Variants in SLC1A5 observed in about 807,000 individuals in gnomAD.
SLC1A5 encodes solute carrier family 1 member 5.
SLC1A5 carries 25 observed loss-of-function variants against 34.9 expected under a neutral mutation model. The ratio of observed to expected loss-of-function variants is 0.72; its 90% CI spans 0.52 to 1.00. The LOEUF (loss-of-function observed/expected upper bound fraction) is 1.00. SLC1A5 is among the 50% of genes least tolerant of loss of function. SLC1A5 has a pLI of 0.00. For missense variants in SLC1A5, 637 were observed against 740.0 expected (o/e 0.86, Z 1.61); for synonymous variants, 351 against 341.2 (o/e 1.03, Z -0.32).
rs748257180 is a variant in SLC1A5 at position 46,778,719 on chromosome 19, C to T, written c.1014G>A (p.Trp338Ter). The T allele has an allele frequency of 1.2e-6, 2 of 1,613,886 alleles. No homozygotes were observed. Among genetic ancestry groups the T allele is most frequent in the African/African-American group, 2.7e-5 (2 of 74,906 alleles). Residue 338 changes from tryptophan to a stop codon, truncating the protein, a stop_gained, in exon 5 of 8, where the codon TGG becomes TGA. Coordinates refer to ENST00000542575, the MANE Select transcript of SLC1A5 (RefSeq NM_005628.3). LOFTEE classifies it high-confidence loss of function. ...FTRKNPYRFL[W>*]GIVTPLATAF... ...CAGTGGCCAGCGGCGTCACGATGCCCCACAGGAAGCGGTAGGGGTTTTTGC... is the reference window on the plus strand; with the variant it reads ...CAGTGGCCAGCGGCGTCACGATGCCTCACAGGAAGCGGTAGGGGTTTTTGC...
At position 46,788,107 on chromosome 19, in the gene SLC1A5, G is replaced by T; in HGVS notation, c.-142C>A. 1.4e-6 allele frequency: 1 copy of T among 732,880 alleles called. No individual in the cohort carries two copies. The highest frequency in any genetic ancestry group is 2.2e-6 in the Non-Finnish European group (1 of 456,686). 45.4% of individuals were successfully genotyped at this position (732,880 alleles called of 1,614,324 possible). On this transcript the variant is annotated 5_prime_UTR_variant, in exon 1 of 8. Coordinates refer to ENST00000542575, the MANE Select transcript of SLC1A5 (RefSeq NM_005628.3). ...TTTGGAGGGCTCCTTAGAGTTGTGA[G>T]TTCACAGCACTGAAGTTCCTTGGCT... is the stretch of plus-strand genomic sequence containing the variant.
At position 46,775,237 on chromosome 19, in the gene SLC1A5, C is replaced by T. The variant is rs576215661; in HGVS notation, c.*273G>A. 1.5e-4 allele frequency: 169 copies of T among 1,148,464 alleles called. No individual in the cohort carries two copies. Among genetic ancestry groups the T allele is most frequent in the African/African-American group, 1.1e-3 (67 of 62,468 alleles). 71.1% of individuals were successfully genotyped at this position (1,148,464 alleles called of 1,614,324 possible). ...GAGGCCAGGCAGGTCACGGTGGGGA[C>T]GCAGCAGAACATTATTTCTCCATCT... On this transcript the variant is annotated 3_prime_UTR_variant, in exon 8 of 8. Coordinates refer to ENST00000542575, the MANE Select transcript of SLC1A5 (RefSeq NM_005628.3).
chr19:46,783,531 C>T lies in SLC1A5; in HGVS notation c.657+566G>A, dbSNP rs555112595. ...ACTCAGGGCCAGGAGCAGTGCCTCA[C>T]GCCTGTAATCCCAGCACTTTGCGAG... On this transcript the variant is annotated intron_variant, in intron 3 of 7. Coordinates refer to ENST00000542575, the MANE Select transcript of SLC1A5 (RefSeq NM_005628.3). 3.2e-4 allele frequency among the ~76,000 whole-genome samples: 49 copies of T among 151,704 alleles called. 1 individual carries two copies. The highest frequency in any genetic ancestry group is 1.1e-3 in the Admixed American group (17 of 15,212).
At chr19:46,782,342 T>TGCCACCCCCCCCCCCCC in intron 4 of SLC1A5, 41 bp downstream of exon 4, 3 of 523,372 alleles carry the variant, frequency 5.7e-6, no homozygotes, top group East Asian at 4.0e-5. Context: ...AGACCGACCC[T>TGCCACCCCCCCCCCCCC]CCAACCCCAC....
At chr19:46,776,336 G>A (rs1025780155) in intron 7 of SLC1A5, among the ~76,000 whole-genome samples, 3 of 151,412 alleles carry the variant, frequency 2.0e-5, no homozygotes, top group African/African-American at 7.3e-5. Context: ...GAGTAGCTGA[G>A]ATCACAGGAC....
In SLC1A5 at chr19:46,787,629, T is replaced by G; in HGVS notation, c.337A>C (p.Ile113Leu). 6 of 1,574,036 alleles carry G rather than the reference T, an allele frequency of 3.8e-6. No individual in the cohort carries two copies. Among genetic ancestry groups the G allele is most frequent in the Admixed American group, 1.8e-5 (1 of 54,290 alleles). Reference sequence around the variant, plus strand: ...GGGTCCAGGCTGGCGGCGCCGCCGATCAAGCTGCACACCACCAGCGGCAAG... The same window carrying G: ...GGGTCCAGGCTGGCGGCGCCGCCGAGCAAGCTGCACACCACCAGCGGCAAG... The part of the protein sequence containing the change: ...IILPLVVCSL[I>L]GGAASLDPGA... The change falls in exon 1 of 8, where the codon ATC becomes CTC. Residue 113 changes from isoleucine (I) to leucine (L), a missense_variant. Coordinates refer to ENST00000542575, the MANE Select transcript of SLC1A5 (RefSeq NM_005628.3). This position sits in a 1 kb window ranked among gnomAD's most constrained non-coding sequence, Gnocchi z 5.2.
At chr19:46,785,646 G>C (rs1480861288) in intron 1 of SLC1A5, among the ~76,000 whole-genome samples, 1 of 152,202 alleles carries the variant, frequency 6.6e-6, no homozygotes, top group African/African-American at 2.4e-5. Flanking sequence ...CCAATGACTG[G>C]TGTACAGCCA....
Position 46,787,216 on chromosome 19 carries a change from C to G in SLC1A5, c.566+184G>C. 4 of 1,424,870 alleles carry G rather than the reference C, an allele frequency of 2.8e-6. No homozygotes were observed. Among genetic ancestry groups the G allele is most frequent in the Non-Finnish European group, 2.7e-6 (3 of 1,092,990 alleles). 88.3% of individuals were successfully genotyped at this position (1,424,870 alleles called of 1,614,324 possible). A position where few individuals can be genotyped will look rare whatever the true frequency, so the allele number is the denominator to read the frequency against. On this transcript the variant is annotated intron_variant, in intron 1 of 7. Transcript: ENST00000542575. The surrounding 1 kb of genome is among the most constrained non-coding windows in gnomAD (Gnocchi z 5.2). ...CCCAGGCCCCCAGATTTAGAAACCC[C>G]TTCCCCAGGAGACTAGACTCACACT...
At chr19:46,778,204 G>A (rs1568428146) in intron 5 of SLC1A5, among the ~76,000 whole-genome samples, 2 of 152,116 alleles carry the variant, frequency 1.3e-5, no homozygotes, top group African/African-American at 4.8e-5. Context: ...CAAGGTGGGC[G>A]GATCACTTGA....
chr19:46,776,960 C>T lies in SLC1A5; in HGVS notation c.1388+15G>A. 1 of 1,612,144 alleles carries T rather than the reference C, an allele frequency of 6.2e-7. No homozygotes were observed. Among genetic ancestry groups the T allele is most frequent in the East Asian group, 2.2e-5 (1 of 44,852 alleles). ...GTACCCCTGGCCCTGCCCCAGTCTCCAGACCCACACTCACACTAGCCAGTC... is the reference window on the plus strand; with the variant it reads ...GTACCCCTGGCCCTGCCCCAGTCTCTAGACCCACACTCACACTAGCCAGTC... On this transcript the variant is annotated intron_variant, in intron 7 of 7. Coordinates refer to ENST00000542575, the MANE Select transcript of SLC1A5 (RefSeq NM_005628.3).
Position 46,787,870 on chromosome 19 carries a change from G to A in SLC1A5, c.96C>T (p.Gly32=). 6.4e-7 allele frequency: 1 copy of A among 1,561,452 alleles called. No individual in the cohort carries two copies. Among genetic ancestry groups the A allele is most frequent in the South Asian group, 1.2e-5 (1 of 85,278 alleles). The stretch of plus-strand genomic sequence containing the variant: ...AACCGCAGTAGCCGCCTGCTGCCGC[G>A]CCTTGGTCCTCGATGGAGGCCAGCG... The part of the protein sequence containing the change: ...GLALASIEDQ[G]AAAGGYCGSR... The change falls in exon 1 of 8, where the codon GGC becomes GGT. Residue 32 remains glycine (G), a synonymous_variant. Transcript: ENST00000542575. The surrounding 1 kb of genome is among the most constrained non-coding windows in gnomAD (Gnocchi z 5.2).
rs1211215970 is a variant in SLC1A5, at chr19:46,775,252, T to A, written c.*258A>T. ...ACGGTGGGGACGCAGCAGAACATTA[T>A]TTCTCCATCTTGCTGTTTTCTAGCC... On this transcript the variant is annotated 3_prime_UTR_variant, in exon 8 of 8. Transcript: ENST00000542575. 1 of 1,206,278 alleles carries A rather than the reference T, an allele frequency of 8.3e-7. No individual in the cohort carries two copies. Among genetic ancestry groups the A allele is most frequent in the Non-Finnish European group, 1.0e-6 (1 of 966,662 alleles). The allele number at this position is 1,206,278 out of a possible 1,614,324, so 74.7% of individuals were successfully genotyped here.
At chr19:46,784,182 AC>A in intron 2 of SLC1A5, 38 bp from the exon 3 acceptor site, 1 of 1,506,226 alleles carries the variant, frequency 6.6e-7, no homozygotes, top group Non-Finnish European at 9.2e-7. Context: ...GTCCATCGTT[AC>A]CAGGGCCTCC....
Position 46,775,788 on chromosome 19 carries a change from G to C in SLC1A5, c.1389-41C>G, listed in dbSNP as rs202081088. ...TGACAGCAAAGTAAGCGGGAGGGGA[G>C]AGGGTGAGAGGGAAGGAAAGGGCCA... On this transcript the variant is annotated intron_variant, in intron 7 of 7. Transcript: ENST00000542575. 24 of 1,586,422 alleles carry C rather than the reference G, an allele frequency of 1.5e-5. 1 individual carries two copies. In the Admixed American group the frequency reaches 4.2e-4, roughly 28 times the overall value.
intron 1 of SLC1A5, chr19:46,784,834 C>A (rs369045610): frequency 2.8e-6 from 4 of 1,413,042 alleles, no homozygotes; most frequent in Admixed American, 5.9e-5. Flanking sequence ...TGGCCTCCCA[C>A]GGCAGGCCAG....
At chr19:46,782,342 T>TACCAACCCCCCCCCCCCCCCC in intron 4 of SLC1A5, 41 bp downstream of exon 4, 1 of 523,372 alleles carries the variant, frequency 1.9e-6, no homozygotes, top group Non-Finnish European at 3.5e-6. Context: ...AGACCGACCC[T>TACCAACCCCCCCCCCCCCCCC]CCAACCCCAC....
intron 3 of SLC1A5, among the ~76,000 whole-genome samples, chr19:46,782,816 G>A (rs910214317): frequency 6.6e-6 from 1 of 152,154 alleles, no homozygotes; most frequent in Admixed American, 6.5e-5. Context: ...GCAGTCAGGG[G>A]GGACTTCCTG....
intron 1 of SLC1A5, chr19:46,785,020 A>C (rs2055177206): frequency 5.7e-5 from 16 of 278,800 alleles, no homozygotes; most frequent in South Asian, 1.0e-4. Context: ...TTCATATCTC[A>C]TGAATATGCA....
chr19:46,786,822 C>T (rs567512384), intron 1 of SLC1A5, among the ~76,000 whole-genome samples: 1 of 152,264 alleles, frequency 6.6e-6, no homozygotes, highest in Admixed American at 6.5e-5. Flanking sequence ...GCAGGGGTGG[C>T]AGGGCTGATC....
Sources: allele counts gnomAD v4.1 joint callset (sites outside exome capture counted in the v4.1 genomes callset), GRCh38; gene constraint gnomAD v4.1.1; non-coding constraint Gnocchi (gnomAD v3.1); transcripts MANE v1.5; gene names NCBI Gene and HGNC (gene_info 2026-07-23, HGNC 2026-07-21).